MCTP1: variants seen among roughly 807,000 people sequenced by gnomAD.
The protein encoded by MCTP1 is multiple C2 and transmembrane domain-containing protein 1.
MCTP1 carries 69 observed loss-of-function variants against 120.6 expected under a neutral mutation model. The ratio of observed to expected loss-of-function variants is 0.57; its 90% confidence interval spans 0.47 to 0.70. The LOEUF (loss-of-function observed/expected upper bound fraction) is 0.70. MCTP1 is among the 30% of genes least tolerant of loss of function. The pLI is 0.00. For missense variants in MCTP1, 1,203 were observed against 1,248.8 expected, an observed-to-expected ratio of 0.96 and a Z score of 0.55; for synonymous variants, 529 against 493.1, an observed-to-expected ratio of 1.07 and a Z score of -0.96.
chr5:95,164,410 T>A (rs115454603), intron 1 of MCTP1, among the ~76,000 whole-genome samples: 2,425 of 152,272 alleles, frequency 0.016, 58 homozygotes, highest in African/African-American at 0.055. Context: ...AGGGCAAGAT[T>A]AAAGAAAACA....
intron 1 of MCTP1, among the ~76,000 whole-genome samples, chr5:95,254,991 A>C (rs1385536990): frequency 6.6e-6 from 1 of 152,204 alleles, no homozygotes; most frequent in Non-Finnish European, 1.5e-5. Flanking sequence ...GAAAATATGC[A>C]TCATTAGTAA....
At chr5:95,010,032 C>T (rs1204451905) in intron 2 of MCTP1, among the ~76,000 whole-genome samples, 1 of 152,086 alleles carries the variant, frequency 6.6e-6, no homozygotes, top group African/African-American at 2.4e-5. Flanking sequence ...CTGTTCTGTG[C>T]AAGGGTGATA....
At chr5:94,984,411 T>C (rs549675315) in intron 2 of MCTP1, among the ~76,000 whole-genome samples, 14 of 152,266 alleles carry the variant, frequency 9.2e-5, no homozygotes, top group African/African-American at 3.4e-4. Context: ...TGGTATACGT[T>C]TAGGAAATCT....
intron 1 of MCTP1, among the ~76,000 whole-genome samples, chr5:95,162,207 G>A (rs184461753): frequency 6.6e-6 from 1 of 152,220 alleles, no homozygotes; most frequent in African/African-American, 2.4e-5. Context: ...GTACTGTTAT[G>A]TTTACATAGA....
At chr5:94,719,782 A>G (rs1281577832) in intron 19 of MCTP1, among the ~76,000 whole-genome samples, 1 of 152,182 alleles carries the variant, frequency 6.6e-6, no homozygotes, top group African/African-American at 2.4e-5. Flanking sequence ...GCACATGTTT[A>G]CCTATGTAAC....
chr5:95,114,281 T>C (rs1461123097), intron 1 of MCTP1, among the ~76,000 whole-genome samples: 4 of 152,202 alleles, frequency 2.6e-5, no homozygotes, highest in African/African-American at 9.6e-5. Flanking sequence ...ACTTTGTCTA[T>C]AGGGAACTTT....
At chr5:94,822,319 C>A (rs1182002109) in intron 17 of MCTP1, among the ~76,000 whole-genome samples, 1 of 152,118 alleles carries the variant, frequency 6.6e-6, no homozygotes, top group African/African-American at 2.4e-5. Context: ...GTTTGGTTTT[C>A]TGTTCCTGTG....
intron 1 of MCTP1, among the ~76,000 whole-genome samples, chr5:95,053,932 T>A (rs1437396644): frequency 6.6e-6 from 1 of 152,214 alleles, no homozygotes; most frequent in East Asian, 1.9e-4. Flanking sequence ...GTCTTCTACA[T>A]CCACGATTAA....
intron 17 of MCTP1, among the ~76,000 whole-genome samples, chr5:94,864,988 C>A (rs551984866): frequency 2.8e-4 from 42 of 152,082 alleles, no homozygotes; most frequent in African/African-American, 8.9e-4. Flanking sequence ...TTCCCCAAGA[C>A]GAGCAGTGCC....
intron 1 of MCTP1, among the ~76,000 whole-genome samples, chr5:95,211,255 T>C (rs1331335731): frequency 6.6e-6 from 1 of 152,152 alleles, no homozygotes; most frequent in African/African-American, 2.4e-5. Context: ...TCCTGGATAA[T>C]ATCCTGCAGA....
At chr5:95,025,826 T>C (rs1422696348) in intron 1 of MCTP1, among the ~76,000 whole-genome samples, 1 of 152,190 alleles carries the variant, frequency 6.6e-6, no homozygotes, top group South Asian at 2.1e-4. Context: ...AATTTCAATA[T>C]GCAGACTAGC....
At chr5:95,003,187 G>T (rs1179740142) in intron 2 of MCTP1, among the ~76,000 whole-genome samples, 3 of 152,094 alleles carry the variant, frequency 2.0e-5, no homozygotes, top group Non-Finnish European at 4.4e-5. Context: ...AAATTACCCA[G>T]TCTTGGGTAT....
chr5:94,972,155 C>A (rs1172058471), intron 2 of MCTP1, among the ~76,000 whole-genome samples: 1 of 152,170 alleles, frequency 6.6e-6, no homozygotes, highest in Non-Finnish European at 1.5e-5. Flanking sequence ...TCTTGGACTA[C>A]ATTTCAGTCC....
At chr5:94,733,593 G>GCCCCCC (rs371559889) in intron 19 of MCTP1, among the ~76,000 whole-genome samples, 17 of 152,008 alleles carry the variant, frequency 1.1e-4, no homozygotes, top group Non-Finnish European at 2.4e-4. Flanking sequence ...TAGAAAAGAA[G>GCCCCCC]CCCCCTTCCC....
intron 18 of MCTP1, among the ~76,000 whole-genome samples, chr5:94,784,612 C>G (rs1400493013): frequency 6.6e-6 from 1 of 152,000 alleles, no homozygotes; most frequent in African/African-American, 2.4e-5. Flanking sequence ...TATACTGTTT[C>G]ATCCAGTACA....
chr5:94,854,106 C>T (rs191385216), intron 17 of MCTP1, among the ~76,000 whole-genome samples: 5 of 151,994 alleles, frequency 3.3e-5, no homozygotes, highest in African/African-American at 1.2e-4. Context: ...TCTAGAGACA[C>T]TTCATCTGTT....
chr5:95,261,074 A>G (rs896070917), intron 1 of MCTP1, among the ~76,000 whole-genome samples: 1 of 152,230 alleles, frequency 6.6e-6, no homozygotes, highest in Non-Finnish European at 1.5e-5. Context: ...TCCGAGGTAG[A>G]TTCTATTCCT....
chr5:94,867,537 C>G, intron 17 of MCTP1: 1 of 499,716 alleles, frequency 2.0e-6, no homozygotes, highest in Non-Finnish European at 3.6e-6. Flanking sequence ...TATAAGGAAG[C>G]ATAAGGTACT....
intron 1 of MCTP1, chr5:95,154,162 T>C (rs1175866539): frequency 6.6e-6 from 1 of 152,232 alleles, no homozygotes; most frequent in East Asian, 1.9e-4. Context: ...TTTGTGCTCA[T>C]CTTGTCACAC....
Sources: allele counts gnomAD v4.1 joint callset (sites outside exome capture counted in the v4.1 genomes callset), GRCh38; gene constraint gnomAD v4.1.1; transcripts MANE v1.5; gene names NCBI Gene and HGNC (gene_info 2026-07-23, HGNC 2026-07-21).